NUBPL: variants seen among roughly 807,000 people sequenced by gnomAD.
NUBPL encodes the protein NUBP iron-sulfur cluster assembly factor, mitochondrial.
A neutral mutation model predicts 45.7 loss-of-function variants in NUBPL; 31 were observed. That is an observed-to-expected ratio of 0.68 (90% CI 0.51 to 0.92). The LOEUF is 0.92. Among genes scored for constraint, NUBPL ranks in the 40% least tolerant of loss-of-function variants. The pLI is 0.00. For missense variants in NUBPL, 401 were observed against 398.7 expected, an observed-to-expected ratio of 1.01 and a Z score of -0.05; for synonymous variants, 144 against 140.9, an observed-to-expected ratio of 1.02 and a Z score of -0.15.
intron 7 of NUBPL, among the ~76,000 whole-genome samples, chr14:31,823,545 G>T (rs2040051456): frequency 6.6e-6 from 1 of 152,034 alleles, no homozygotes; most frequent in Non-Finnish European, 1.5e-5. Context: ...TGAGATTGAG[G>T]GCTAATACCC....
chr14:31,767,231 C>T (rs1037808249), intron 6 of NUBPL, among the ~76,000 whole-genome samples: 26 of 152,052 alleles, frequency 1.7e-4, no homozygotes, highest in Admixed American at 3.9e-4. Context: ...GACGGAGTTT[C>T]GCTCTTTCAG....
chr14:31,683,762 A>ATT (rs202227537), intron 6 of NUBPL, among the ~76,000 whole-genome samples: 2 of 150,954 alleles, frequency 1.3e-5, no homozygotes, highest in Non-Finnish European at 3.0e-5. Flanking sequence ...AAAAATCTTC[A>ATT]TTTTTTTTCT....
chr14:31,808,212 G>A (rs916943135), intron 7 of NUBPL, among the ~76,000 whole-genome samples: 2 of 152,138 alleles, frequency 1.3e-5, no homozygotes, highest in Non-Finnish European at 2.9e-5. Context: ...ATTCCCTTGG[G>A]CAGTATGGCC....
At chr14:31,846,752 C>T (rs1190599755) in intron 9 of NUBPL, among the ~76,000 whole-genome samples, 161 bp downstream of exon 9, 2 of 152,026 alleles carry the variant, frequency 1.3e-5, no homozygotes, top group African/African-American at 2.4e-5. Context: ...GTCAGGAGAT[C>T]GAGACCATCC....
chr14:31,693,545 A>G (rs1017474331), intron 6 of NUBPL, among the ~76,000 whole-genome samples: 2 of 152,184 alleles, frequency 1.3e-5, no homozygotes, highest in African/African-American at 4.8e-5. Context: ...ATCTAAATAT[A>G]CCAAAGAAAT....
chr14:31,768,804 C>T (rs762318194), intron 6 of NUBPL, among the ~76,000 whole-genome samples: 1 of 152,172 alleles, frequency 6.6e-6, no homozygotes. Flanking sequence ...AAGAGTTCAT[C>T]CTGGTACCAA....
In NUBPL at chr14:31,704,425, A is replaced by G. The variant is rs558417013; in HGVS notation, c.513+30851A>G. On this transcript the variant is annotated intron_variant, in intron 6 of 10. Transcript: ENST00000281081. ...ACGCCTGTAATCCCAGCACATTGGG[A>G]GGCCAAGGTGGGCAGATCACCTGAG... Among the ~76,000 whole-genome samples, 4 of 152,290 alleles carry G rather than the reference A, an allele frequency of 2.6e-5. No homozygotes were observed. The East Asian group carries it at 7.7e-4, about 29-fold the overall frequency.
At chr14:31,630,759 A>G (rs2035320186) in intron 4 of NUBPL, among the ~76,000 whole-genome samples, 3 of 152,164 alleles carry the variant, frequency 2.0e-5, no homozygotes, top group South Asian at 2.1e-4. Flanking sequence ...TCTCTACCCA[A>G]TGCTCCATGT....
chr14:31,670,107 G>A (rs1185609174), intron 4 of NUBPL, among the ~76,000 whole-genome samples: 1 of 151,952 alleles, frequency 6.6e-6, no homozygotes, highest in African/African-American at 2.4e-5. Context: ...CCAGTGTGTA[G>A]GTGTTGCCTT....
At chr14:31,634,921 C>T (rs2035446952) in intron 4 of NUBPL, among the ~76,000 whole-genome samples, 1 of 140,604 alleles carries the variant, frequency 7.1e-6, no homozygotes, top group South Asian at 2.1e-4. Context: ...CCTTCGCCCA[C>T]TTTTTGATGG....
chr14:31,651,134 A>AT (rs962821188), intron 4 of NUBPL, among the ~76,000 whole-genome samples: 44 of 151,532 alleles, frequency 2.9e-4, no homozygotes, highest in African/African-American at 6.3e-4. Context: ...ACGTCTTTGG[A>AT]TTTTTTTTTG....
At chr14:31,636,107 G>A (rs2035489275) in intron 4 of NUBPL, among the ~76,000 whole-genome samples, 1 of 151,802 alleles carries the variant, frequency 6.6e-6, no homozygotes, top group Non-Finnish European at 1.5e-5. Flanking sequence ...AATTGCCCTG[G>A]CCAGAACTTC....
intron 7 of NUBPL, among the ~76,000 whole-genome samples, chr14:31,804,292 G>T (rs2039644765): frequency 6.6e-6 from 1 of 152,206 alleles, no homozygotes; most frequent in Non-Finnish European, 1.5e-5. Context: ...TATATTTTAA[G>T]TAGTGGGGAG....
intron 4 of NUBPL, among the ~76,000 whole-genome samples, chr14:31,608,291 C>A (rs568624745): frequency 6.6e-6 from 1 of 152,268 alleles, no homozygotes; most frequent in Non-Finnish European, 1.5e-5. Flanking sequence ...TAGTGGCTCA[C>A]TCCTATAATC....
intron 6 of NUBPL, among the ~76,000 whole-genome samples, chr14:31,739,760 A>G (rs2038244090): frequency 6.6e-6 from 1 of 152,182 alleles, no homozygotes; most frequent in Non-Finnish European, 1.5e-5. Flanking sequence ...ATCAACTGTA[A>G]TAGTATCATA....
chr14:31,755,726 G>T (rs576278123), intron 6 of NUBPL, among the ~76,000 whole-genome samples: 7,097 of 151,918 alleles, frequency 0.047, 217 homozygotes, highest in Admixed American at 0.066. Flanking sequence ...GTCAATTTTG[G>T]CTTTTGTTGC....
chr14:31,697,043 A>G (rs1275724682), intron 6 of NUBPL, among the ~76,000 whole-genome samples: 1 of 152,222 alleles, frequency 6.6e-6, no homozygotes, highest in Non-Finnish European at 1.5e-5. Context: ...TTTCAAATAT[A>G]AAGCAAAGAT....
chr14:31,682,044 A>T (rs993794159), intron 6 of NUBPL, among the ~76,000 whole-genome samples: 2 of 152,144 alleles, frequency 1.3e-5, no homozygotes, highest in African/African-American at 4.8e-5. Context: ...GATTTAGGTC[A>T]GGTTGGTTGA....
chr14:31,641,050 C>G (rs1389984567), intron 4 of NUBPL, among the ~76,000 whole-genome samples: 1 of 152,030 alleles, frequency 6.6e-6, no homozygotes, highest in Non-Finnish European at 1.5e-5. Context: ...CTCCTGGGTT[C>G]AAGTGATTCT....
Sources: gnomAD v4.1 joint callset for allele counts (sites outside exome capture counted in the v4.1 genomes callset) on GRCh38, gnomAD v4.1.1 for gene constraint, MANE v1.5 for transcripts, NCBI Gene and HGNC (gene_info 2026-07-23, HGNC 2026-07-21) for gene names.